Variants in UMPS observed in about 807,000 individuals in gnomAD.
UMPS encodes the protein uridine 5'-monophosphate synthase.
UMPS carries 21 observed loss-of-function variants against 38.9 expected under a neutral mutation model. That is an observed-to-expected ratio of 0.54 (90% CI 0.38 to 0.78). UMPS has a LOEUF of 0.78. Ranked by LOEUF, UMPS falls within the 30% of genes least tolerant of loss-of-function variation. The pLI, the probability that UMPS is intolerant of heterozygous loss-of-function variation, is 0.00. For missense variants in UMPS, 533 were observed against 591.6 expected (o/e 0.90, Z 1.03); for synonymous variants, 208 against 219.3 (o/e 0.95, Z 0.45).
chr3:124,740,856 G>A (rs2063551662), intron 4 of UMPS, among the ~76,000 whole-genome samples: 1 of 152,002 alleles, frequency 6.6e-6, no homozygotes, highest in African/African-American at 2.4e-5. Flanking sequence ...AGGCTGAGGT[G>A]GGAGGATCGC....
Position 124,743,925 on chromosome 3 carries a change from T to C in UMPS, c.1284T>C (p.Leu428=), listed in dbSNP as rs369419207. The C allele has an allele frequency of 1.2e-6, 2 of 1,614,074 alleles. No homozygotes were observed. Among genetic ancestry groups the C allele is most frequent in the Non-Finnish European group, 1.7e-6 (2 of 1,180,014 alleles). ...GVQLEAGGDN[L]GQQYNSPQEV... is the part of the protein sequence containing the mutation. ...TTGTGTTTCTTGCAGGAGATAATCTTGGCCAACAGTACAATAGCCCACAAG... is the reference window on the plus strand; with the variant it reads ...TTGTGTTTCTTGCAGGAGATAATCTCGGCCAACAGTACAATAGCCCACAAG... Residue 428 remains leucine (L), a synonymous_variant, in exon 6 of 6, where the codon CTT becomes CTC. Transcript: ENST00000232607.
rs606369 is a variant in UMPS, at chr3:124,747,621, G to A, written c.*3537G>A. On this transcript the variant is annotated 3_prime_UTR_variant, in exon 6 of 6. Transcript: ENST00000232607. The stretch of plus-strand genomic sequence containing the variant: ...CCAGCTGATCTGTAAGCCTGGGAGC[G>A]TGATAAATGCTTAGTAGTGCATGCC... The A allele has an allele frequency of 0.011, 4,855 of 450,638 alleles. 183 individuals are homozygous for A. The highest frequency in any genetic ancestry group is 0.088 in the African/African-American group (4,392 of 50,038). 27.9% of individuals were successfully genotyped at this position (450,638 alleles called of 1,614,324 possible).
intron 5 of UMPS, 118 bp from the exon 6 acceptor site, chr3:124,743,797 A>G (rs2150902181): frequency 6.2e-6 from 8 of 1,298,810 alleles, no homozygotes; most frequent in South Asian, 1.3e-5. Context: ...ACAAAAGGGG[A>G]ACGAAAGTAG....
chr3:124,740,124 G>A lies in UMPS; in HGVS notation c.1083G>A (p.Leu361=). ...GCCTGCAAGAAGTGGGCCTGCCTTT[G>A]CATCGGGGGTGCCTCCTTATTGCGG... ...VKGLQEVGLP[L]HRGCLLIAEM... The change falls in exon 4 of 6, where the codon TTG becomes TTA. Residue 361 remains leucine, a synonymous_variant. Coordinates refer to ENST00000232607, the MANE Select transcript of UMPS (RefSeq NM_000373.4). The A allele has an allele frequency of 6.2e-7, 1 of 1,614,100 alleles. No homozygotes were observed.
chr3:124,744,681 T>C lies in UMPS; in HGVS notation c.*597T>C, dbSNP rs781092136. The C allele has an allele frequency of 8.8e-6, 4 of 454,096 alleles. No homozygotes were observed. Among genetic ancestry groups the C allele is most frequent in the South Asian group, 6.2e-5 (4 of 64,468 alleles). 28.1% of individuals were successfully genotyped at this position (454,096 alleles called of 1,614,324 possible). On this transcript the variant is annotated 3_prime_UTR_variant, in exon 6 of 6. Coordinates refer to ENST00000232607, the MANE Select transcript of UMPS (RefSeq NM_000373.4). ...GCCTCAGTCTCTCAAAGTGCTGGGA[T>C]TACAGGTGTGAGCCACTGTGCCCAG... is the stretch of plus-strand genomic sequence containing the variant.
chr3:124,732,772 T>C (rs1213675958), intron 1 of UMPS, among the ~76,000 whole-genome samples: 2 of 152,182 alleles, frequency 1.3e-5, no homozygotes, highest in African/African-American at 4.8e-5. Flanking sequence ...GTGTGGTTAT[T>C]GTAAAAAGTA....
Position 124,744,227 on chromosome 3 carries a change from C to T in UMPS, c.*143C>T. ...GTGTAAGAATGGGTTCTGGAGTTCTCATGGTCTTTAGGAAATATTGAGTAA... is the reference window on the plus strand; with the variant it reads ...GTGTAAGAATGGGTTCTGGAGTTCTTATGGTCTTTAGGAAATATTGAGTAA... On this transcript the variant is annotated 3_prime_UTR_variant, in exon 6 of 6. Coordinates refer to ENST00000232607, the MANE Select transcript of UMPS (RefSeq NM_000373.4). 4 of 947,422 alleles carry T rather than the reference C, an allele frequency of 4.2e-6. No individual in the cohort carries two copies. Among genetic ancestry groups the T allele is most frequent in the Non-Finnish European group, 6.6e-6 (4 of 608,482 alleles). 58.7% of individuals were successfully genotyped at this position (947,422 alleles called of 1,614,324 possible).
intron 1 of UMPS, among the ~76,000 whole-genome samples, chr3:124,731,101 G>C (rs950529151): frequency 6.6e-6 from 1 of 152,034 alleles, no homozygotes; most frequent in African/African-American, 2.4e-5. Context: ...GCACGCCTGG[G>C]ACGCTGAGGT....
At chr3:124,738,267 G>C in intron 3 of UMPS, 28 bp downstream of exon 3, 1 of 1,609,274 alleles carries the variant, frequency 6.2e-7, no homozygotes, top group Non-Finnish European at 8.5e-7. Flanking sequence ...GAATCTGCAA[G>C]AATCAGAAAT....
At position 124,747,460 on chromosome 3, in the gene UMPS, CG is replaced by C. The variant is rs1559910418; in HGVS notation, c.*3377del. 1 of 454,122 alleles carries C rather than the reference CG, an allele frequency of 2.2e-6. No individual in the cohort carries two copies. Among genetic ancestry groups the C allele is most frequent in the Non-Finnish European group, 4.4e-6 (1 of 226,786 alleles). The allele number at this position is 454,122 out of a possible 1,614,324, so 28.1% of individuals were successfully genotyped here. Reference sequence around the variant, plus strand: ...AGTTCCGAGCCTGAACCCAAACTCTCGTGTTTCTGCTCACCCCTCTCTGGCT... The same window carrying C: ...AGTTCCGAGCCTGAACCCAAACTCTCTGTTTCTGCTCACCCCTCTCTGGCT... On this transcript the variant is annotated 3_prime_UTR_variant, in exon 6 of 6. Coordinates refer to ENST00000232607, the MANE Select transcript of UMPS (RefSeq NM_000373.4).
rs2150896445 is a variant in UMPS at position 124,737,799 on chromosome 3, A to T, written c.542A>T (p.Glu181Val). 6.2e-7 allele frequency: 1 copy of T among 1,614,210 alleles called. No individual in the cohort carries two copies. Among genetic ancestry groups the T allele is most frequent in the Non-Finnish European group, 8.5e-7 (1 of 1,180,034 alleles). Reference protein sequence around the residue: ...HSVCTLSKMLEILEQQKKVDA... With the variant: ...HSVCTLSKMLVILEQQKKVDA... ...GTGTGTACATTGTCCAAAATGCTGG[A>T]GATTCTCGAGCAGCAGAAAAAAGTT... The change falls in exon 3 of 6, where the codon GAG becomes GTG. Residue 181 changes from glutamate (E) to valine (V), a missense_variant. By Grantham distance (121) the Glu-to-Val change is moderately radical. Coordinates refer to ENST00000232607, the MANE Select transcript of UMPS (RefSeq NM_000373.4).
rs775515548 is a variant in UMPS at position 124,746,991 on chromosome 3, C to T, written c.*2907C>T. On this transcript the variant is annotated 3_prime_UTR_variant, in exon 6 of 6. Coordinates refer to ENST00000232607, the MANE Select transcript of UMPS (RefSeq NM_000373.4). The stretch of plus-strand genomic sequence containing the variant: ...CTAAGAAAATCTGCCAAAAGTAGGC[C>T]GAGGGCTGGTTTTTTGTTTTGTTTT... The T allele has an allele frequency of 1.0e-4, 46 of 452,574 alleles. 1 individual carries two copies. Among genetic ancestry groups the T allele is most frequent in the African/African-American group, 6.0e-4 (30 of 49,704 alleles). 28.0% of individuals were successfully genotyped at this position (452,574 alleles called of 1,614,324 possible).
chr3:124,741,612 G>A (rs919768830), intron 4 of UMPS, among the ~76,000 whole-genome samples: 2 of 152,194 alleles, frequency 1.3e-5, no homozygotes, highest in Non-Finnish European at 2.9e-5. Context: ...AGCCTTGAAT[G>A]TGGTTTCATA....
chr3:124,736,794 G>C (rs1165610520), intron 2 of UMPS, among the ~76,000 whole-genome samples: 12 of 152,320 alleles, frequency 7.9e-5, no homozygotes, highest in African/African-American at 2.9e-4. Context: ...AAGCGGAAAG[G>C]ATTTGATGAG....
Position 124,746,598 on chromosome 3 carries a change from A to G in UMPS, c.*2514A>G, listed in dbSNP as rs2063600158. 6.6e-6 allele frequency: 3 copies of G among 453,888 alleles called. No homozygotes were observed. The highest frequency in any genetic ancestry group is 4.7e-5 in the Admixed American group (2 of 42,546). 28.1% of individuals were successfully genotyped at this position (453,888 alleles called of 1,614,324 possible). ...AGTCAAGGAATATTTACAGAACATG[A>G]TCTCTGGGCATTGTAACTCCTGGTC... On this transcript the variant is annotated 3_prime_UTR_variant, in exon 6 of 6. Transcript: ENST00000232607.
intron 1 of UMPS, chr3:124,733,591 G>C (rs1424769691): frequency 5.3e-6 from 1 of 189,784 alleles, no homozygotes; most frequent in Non-Finnish European, 1.1e-5. Context: ...AGGAGGCAAA[G>C]TTGCTCACTG....
In UMPS at chr3:124,747,824, T is replaced by C; in HGVS notation, c.*3740T>C. 1 of 452,124 alleles carries C rather than the reference T, an allele frequency of 2.2e-6. No individual in the cohort carries two copies. 28.0% of individuals were successfully genotyped at this position (452,124 alleles called of 1,614,324 possible). A position where few individuals can be genotyped will look rare whatever the true frequency, so the allele number is the denominator to read the frequency against. On this transcript the variant is annotated 3_prime_UTR_variant, in exon 6 of 6. Transcript: ENST00000232607. ...GCATCAGCGATCTCTCCCAGCGAAATAGCTGCTTGGTCTTGTGTGAATCCT... is the reference window on the plus strand; with the variant it reads ...GCATCAGCGATCTCTCCCAGCGAAACAGCTGCTTGGTCTTGTGTGAATCCT...
Position 124,743,985 on chromosome 3 carries a change from T to G in UMPS, c.1344T>G (p.Ile448Met). The change falls in exon 6 of 6, where the codon ATT (isoleucine) becomes ATG (methionine). Residue 448 changes from isoleucine to methionine, a missense_variant. Coordinates refer to ENST00000232607, the MANE Select transcript of UMPS (RefSeq NM_000373.4). The stretch of plus-strand genomic sequence containing the variant: ...GCAAACGAGGTTCCGATATCATCAT[T>G]GTAGGTCGTGGCATAATCTCAGCAG... ...VIGKRGSDII[I>M]VGRGIISAAD... is the part of the protein sequence containing the mutation. The G allele has an allele frequency of 1.2e-6, 2 of 1,614,238 alleles. No individual in the cohort carries two copies. Among genetic ancestry groups the G allele is most frequent in the South Asian group, 2.2e-5 (2 of 91,086 alleles).
Position 124,730,482 on chromosome 3 carries a change from C to T in UMPS, c.11C>T (p.Ala4Val), listed in dbSNP as rs773783685. Residue 4 changes from alanine (A) to valine (V), a missense_variant, in exon 1 of 6, where the codon GCT becomes GTT. By Grantham distance (64) the Ala-to-Val change is moderately conservative. Transcript: ENST00000232607. ...AGGCAGCGCGCGACAATGGCGGTCG[C>T]TCGTGCAGCTTTGGGGCCATTGGTG... is the stretch of plus-strand genomic sequence containing the variant. MAV[A>V]RAALGPLVTG... is the part of the protein sequence containing the mutation. The T allele has an allele frequency of 6.2e-7, 1 of 1,614,166 alleles. No homozygotes were observed. Among genetic ancestry groups the T allele is most frequent in the South Asian group, 1.1e-5 (1 of 91,080 alleles).
Sources: gnomAD v4.1 joint callset for allele counts (sites outside exome capture counted in the v4.1 genomes callset) on GRCh38, gnomAD v4.1.1 for gene constraint, MANE v1.5 for transcripts, NCBI Gene and HGNC (gene_info 2026-07-23, HGNC 2026-07-21) for gene names.